EPB41: variants seen among roughly 807,000 people sequenced by gnomAD.
EPB41 encodes the protein protein 4.1.
A neutral mutation model predicts 108.0 loss-of-function variants in EPB41; 65 were observed. The observed-to-expected ratio is 0.60, with a 90% CI of 0.49 to 0.74. The LOEUF (loss-of-function observed/expected upper bound fraction) is 0.74. Ranked by LOEUF, EPB41 falls within the 30% of genes least tolerant of loss-of-function variation. EPB41 has a pLI of 0.00. For missense variants in EPB41, 875 were observed against 1,037.0 expected, an observed-to-expected ratio of 0.84 and a Z score of 2.15; for synonymous variants, 336 against 358.9, an observed-to-expected ratio of 0.94 and a Z score of 0.72.
At chr1:29,019,523 G>A (rs1053203570) in intron 7 of EPB41, among the ~76,000 whole-genome samples, 1 of 152,154 alleles carries the variant, frequency 6.6e-6, no homozygotes, top group Non-Finnish European at 1.5e-5. Flanking sequence ...GCTTAGTTCT[G>A]TAAACTGCCT....
chr1:29,002,730 T>G (rs1010910630), intron 4 of EPB41, among the ~76,000 whole-genome samples: 8 of 152,194 alleles, frequency 5.3e-5, no homozygotes, highest in Non-Finnish European at 1.0e-4. Context: ...TTGGCTTTTA[T>G]TTGTGATTCA....
chr1:28,993,030 G>T (rs998290377), intron 2 of EPB41, among the ~76,000 whole-genome samples: 2 of 152,226 alleles, frequency 1.3e-5, no homozygotes, highest in Non-Finnish European at 2.9e-5. Flanking sequence ...TAATAATACC[G>T]TGTAATGGCT....
chr1:29,050,545 A>G (rs1232769886), intron 11 of EPB41, among the ~76,000 whole-genome samples: 4 of 152,258 alleles, frequency 2.6e-5, no homozygotes, highest in South Asian at 2.1e-4. Flanking sequence ...TTGGTCTGCC[A>G]TCTGCCACTC....
At chr1:29,099,663 T>C (rs534275389) in intron 17 of EPB41, among the ~76,000 whole-genome samples, 9 of 152,238 alleles carry the variant, frequency 5.9e-5, no homozygotes, top group Non-Finnish European at 1.0e-4. Flanking sequence ...TTCAATGGAC[T>C]AGAATTGATT....
upstream of EPB41, among the ~76,000 whole-genome samples, chr1:28,911,300 T>G (rs2148005441): frequency 6.6e-6 from 1 of 152,284 alleles, no homozygotes; most frequent in Admixed American, 6.5e-5. Context: ...GGCTAAGAAT[T>G]AAAAGCCAGC....
Position 29,018,015 on chromosome 1 carries a change from CA to C in EPB41, c.906-208del, listed in dbSNP as rs2096598946. Among the ~76,000 whole-genome samples the C allele has an allele frequency of 6.6e-6, 1 of 152,024 alleles. No individual in the cohort carries two copies. Among genetic ancestry groups the C allele is most frequent in the African/African-American group, 2.4e-5 (1 of 41,366 alleles). On this transcript the variant is annotated intron_variant, in intron 6 of 20. Transcript: ENST00000343067. The surrounding 1 kb of genome is among the most constrained non-coding windows in gnomAD (Gnocchi z 4.4). ...TTAATATGTAAAAATTTCAAACACA[CA>C]GAGAGAAATAATAGCGCAATGAACT... is the stretch of plus-strand genomic sequence containing the variant.
chr1:28,942,348 G>A lies in EPB41; in HGVS notation c.-8+27580G>A, dbSNP rs548236811. Among the ~76,000 whole-genome samples the A allele has an allele frequency of 3.3e-5, 5 of 152,300 alleles. No individual in the cohort carries two copies. The South Asian group carries it at 1.0e-3, about 32-fold the overall frequency. On this transcript the variant is annotated intron_variant, in intron 1 of 20. Coordinates refer to ENST00000343067, the MANE Select transcript of EPB41 (RefSeq NM_001376013.1). ...ATGCTATTCACAAGACCCAGGTTGT[G>A]ACCTGTGCTTCTGACCAACTGGCTC...
chr1:28,990,091 C>T (rs2095972666), intron 2 of EPB41, among the ~76,000 whole-genome samples: 1 of 151,726 alleles, frequency 6.6e-6, no homozygotes, highest in Admixed American at 6.6e-5. Flanking sequence ...CCTGTCTCTA[C>T]AAAAAATACA....
At chr1:29,094,734 A>C (rs1003621777) in intron 16 of EPB41, among the ~76,000 whole-genome samples, 7 of 152,154 alleles carry the variant, frequency 4.6e-5, no homozygotes, top group Non-Finnish European at 1.0e-4. Context: ...TCTTCCACCT[A>C]GAGCACCTTT....
chr1:29,014,054 C>T lies in EPB41; in HGVS notation c.830-1638C>T, dbSNP rs1021995367. Among the ~76,000 whole-genome samples, 39 of 151,992 alleles carry T rather than the reference C, an allele frequency of 2.6e-4. 1 individual carries two copies. The highest frequency in any genetic ancestry group is 2.1e-3 in the Admixed American group (32 of 15,264). ...GTATATGGCCAGTTGCAGTGGCTCA[C>T]GCCTGTAATCCCAGCACTTTGGGAG... On this transcript the variant is annotated intron_variant, in intron 5 of 20. Transcript: ENST00000343067.
At chr1:29,065,297 C>A (rs1647149443) in intron 16 of EPB41, 139 bp downstream of exon 16, 2 of 1,347,826 alleles carry the variant, frequency 1.5e-6, no homozygotes, top group African/African-American at 1.5e-5. Flanking sequence ...TGCTTTAAGG[C>A]ATTTGTAATC....
chr1:28,984,182 T>C, intron 1 of EPB41, among the ~76,000 whole-genome samples: 1 of 152,100 alleles, frequency 6.6e-6, no homozygotes, highest in Non-Finnish European at 1.5e-5. Context: ...CTGGGGTTTT[T>C]ATAGGCACAG....
rs565111051 is a variant in EPB41 at position 29,034,939 on chromosome 1, A to G, written c.1366-887A>G. On this transcript the variant is annotated intron_variant, in intron 9 of 20. Transcript: ENST00000343067. Reference sequence around the variant, plus strand: ...ATCAGCTCAATTTAGCCATTTCACAATGTATACGTGTTTCTTGGGTTTGTT... The same window carrying G: ...ATCAGCTCAATTTAGCCATTTCACAGTGTATACGTGTTTCTTGGGTTTGTT... Among the ~76,000 whole-genome samples, 334 of 150,602 alleles carry G rather than the reference A, an allele frequency of 2.2e-3. 1 individual carries two copies. Among genetic ancestry groups the G allele is most frequent in the Non-Finnish European group, 3.4e-3 (230 of 67,696 alleles).
At chr1:28,903,139 G>T (rs146840982) in intron 1 of EPB41, among the ~76,000 whole-genome samples, 55 of 152,156 alleles carry the variant, frequency 3.6e-4, no homozygotes, top group African/African-American at 1.3e-3. Flanking sequence ...CACTTAGCTG[G>T]TACTCTGCAC....
chr1:28,956,898 A>G (rs963723702), intron 1 of EPB41, among the ~76,000 whole-genome samples: 1 of 152,250 alleles, frequency 6.6e-6, no homozygotes, highest in Non-Finnish European at 1.5e-5. Context: ...AGCTGTCTAA[A>G]TTTCAAGAAG....
At chr1:28,963,989 T>G (rs1259241794) in intron 1 of EPB41, among the ~76,000 whole-genome samples, 1 of 152,220 alleles carries the variant, frequency 6.6e-6, no homozygotes, top group East Asian at 1.9e-4. Flanking sequence ...ATCCTTCTCC[T>G]TTTCTTCCAT....
At chr1:29,077,511 G>T (rs1029573953) in intron 16 of EPB41, among the ~76,000 whole-genome samples, 1 of 151,982 alleles carries the variant, frequency 6.6e-6, no homozygotes, top group African/African-American at 2.4e-5. Context: ...AAGTCATCTC[G>T]GATAAGTGTG....
At chr1:29,075,580 A>C (rs1362659372) in intron 16 of EPB41, among the ~76,000 whole-genome samples, 1 of 152,234 alleles carries the variant, frequency 6.6e-6, no homozygotes, top group Non-Finnish European at 1.5e-5. Context: ...AAAGATTGAA[A>C]GGTAGGGGAA....
chr1:28,937,801 T>C (rs1398045775), intron 1 of EPB41, among the ~76,000 whole-genome samples: 1 of 152,250 alleles, frequency 6.6e-6, no homozygotes, highest in Non-Finnish European at 1.5e-5. Context: ...TTACGTCTTA[T>C]CTTTTCTTCT....
Sources: allele counts gnomAD v4.1 joint callset (sites outside exome capture counted in the v4.1 genomes callset), GRCh38; gene constraint gnomAD v4.1.1; non-coding constraint Gnocchi (gnomAD v3.1); transcripts MANE v1.5; gene names NCBI Gene and HGNC (gene_info 2026-07-23, HGNC 2026-07-21).